Variants in TCF12 observed in about 807,000 individuals in gnomAD.
TCF12 encodes the protein DNA-binding protein HTF4.
Under a neutral mutation model 86.0 loss-of-function variants are expected in TCF12, and 45 were observed. The observed-to-expected ratio is 0.52, with a 90% confidence interval of 0.41 to 0.67. The LOEUF (loss-of-function observed/expected upper bound fraction) is 0.67, where lower values mean the gene tolerates loss of function less well. TCF12 is among the 30% of genes least tolerant of loss of function. The probability of loss-of-function intolerance (pLI) is 0.00; values close to 1 mark genes in which losing one functional copy is unlikely to be tolerated. For missense variants in TCF12, 881 were observed against 859.9 expected (o/e 1.02, Z -0.31); for synonymous variants, 330 against 299.6 (o/e 1.10, Z -1.05).
chr15:57,247,261 G>A lies in TCF12; in HGVS notation c.1114+3711G>A, dbSNP rs550471252. 35 of 644,134 alleles carry A rather than the reference G, an allele frequency of 5.4e-5. 1 individual carries two copies. The highest frequency in any genetic ancestry group is 3.4e-4 in the South Asian group (21 of 62,056). The allele number at this position is 644,134 out of a possible 1,614,324, so 39.9% of individuals were successfully genotyped here. On this transcript the variant is annotated intron_variant, in intron 13 of 20. Coordinates refer to ENST00000333725, the MANE Select transcript of TCF12 (RefSeq NM_207037.2). ...CATCACCTCCAAAACCATTATATCC[G>A]CCATCACCTCCTCCATAACTACCTC...
intron 6 of TCF12, among the ~76,000 whole-genome samples, chr15:57,189,668 C>T (rs2056878528): frequency 6.6e-6 from 1 of 152,192 alleles, no homozygotes; most frequent in Non-Finnish European, 1.5e-5. Flanking sequence ...CTGTGGAAAA[C>T]AGTTTGGCAG....
In TCF12 at chr15:57,170,737, A is replaced by AAT. The variant is rs371384017; in HGVS notation, c.390+4278_390+4279dup. 3.3e-3 allele frequency among the ~76,000 whole-genome samples: 82 copies of AAT among 24,790 alleles called. 1 individual carries two copies. Among genetic ancestry groups the AAT allele is most frequent in the African/African-American group, 4.3e-3 (40 of 9,304 alleles). The allele number at this position is 24,790 out of a possible 152,430, so 16.3% of individuals were successfully genotyped here. A position where few individuals can be genotyped will look rare whatever the true frequency, so the allele number is the denominator to read the frequency against. On this transcript the variant is annotated intron_variant, in intron 6 of 20. Transcript: ENST00000333725. ...AATATATATATTATATATTATATATAATATATATTATATATTATATATTAT... is the reference window on the plus strand; with the variant it reads ...AATATATATATTATATATTATATATAATATATATATTATATATTATATATTAT...
intron 3 of TCF12, among the ~76,000 whole-genome samples, chr15:57,002,747 G>T (rs1448335477): frequency 6.6e-6 from 1 of 152,136 alleles, no homozygotes; most frequent in Non-Finnish European, 1.5e-5. Flanking sequence ...TCTCTATAAG[G>T]TTTCACGTTT....
chr15:57,157,977 G>T (rs2054232491), intron 5 of TCF12, among the ~76,000 whole-genome samples: 1 of 150,306 alleles, frequency 6.7e-6, no homozygotes, highest in Non-Finnish European at 1.5e-5. Context: ...AAATTGAATT[G>T]TGCATTTTAA....
chr15:56,956,814 T>C (rs1244754823), intron 3 of TCF12, among the ~76,000 whole-genome samples: 1 of 152,214 alleles, frequency 6.6e-6, no homozygotes, highest in Non-Finnish European at 1.5e-5. Context: ...TTTTTTAAAT[T>C]ACAGATTTTG....
chr15:57,056,928 A>G (rs1400694839), intron 3 of TCF12, among the ~76,000 whole-genome samples: 1 of 150,982 alleles, frequency 6.6e-6, no homozygotes, highest in Non-Finnish European at 1.5e-5. Flanking sequence ...GCCTCTGGTG[A>G]TTATCTTTTC....
At position 56,984,279 on chromosome 15, in the gene TCF12, TG is replaced by T. The variant is rs1259238625; in HGVS notation, c.148+63182del. Among the ~76,000 whole-genome samples the T allele has an allele frequency of 3.0e-3, 450 of 150,490 alleles. 1 individual carries two copies. The highest frequency in any genetic ancestry group is 0.011 in the African/African-American group (433 of 40,842). On this transcript the variant is annotated intron_variant, in intron 3 of 20. Coordinates refer to ENST00000333725, the MANE Select transcript of TCF12 (RefSeq NM_207037.2). ...GTGTGTGTGTGTGTGTGTGTGTGTG[TG>T]TGTGTGTGTGTGTGAAGGGTGGAGA...
At chr15:57,162,609 T>G (rs1349682069) in intron 5 of TCF12, among the ~76,000 whole-genome samples, 1 of 152,232 alleles carries the variant, frequency 6.6e-6, no homozygotes, top group East Asian at 1.9e-4. Context: ...CTTCAGCTTA[T>G]GTTAAATTAG....
intron 12 of TCF12, among the ~76,000 whole-genome samples, chr15:57,235,812 A>G (rs773406707): frequency 2.0e-5 from 3 of 152,120 alleles, no homozygotes; most frequent in Non-Finnish European, 4.4e-5. Context: ...TGTTTGTTTT[A>G]TTAAAGAAAA....
chr15:57,222,026 G>C (rs1045675484), intron 8 of TCF12, among the ~76,000 whole-genome samples: 2 of 151,974 alleles, frequency 1.3e-5, no homozygotes, highest in African/African-American at 4.8e-5. Context: ...TATACTTCTT[G>C]TCATGAACAG....
chr15:57,265,094 ATAGTATAGTATAGT>A (rs2060796147), intron 18 of TCF12, among the ~76,000 whole-genome samples: 1 of 145,150 alleles, frequency 6.9e-6, no homozygotes, highest in Middle Eastern at 3.4e-3. Flanking sequence ...ATAGTATAGT[ATAGTATAGTATAGT>A]ATAGTATAGT....
intron 3 of TCF12, among the ~76,000 whole-genome samples, chr15:57,059,738 G>A (rs1231116589): frequency 6.6e-6 from 1 of 150,564 alleles, no homozygotes; most frequent in African/African-American, 2.4e-5. Flanking sequence ...TGTGGTGGGG[G>A]GCTGGGGGGA....
At chr15:57,083,543 A>C (rs1212761242) in intron 4 of TCF12, among the ~76,000 whole-genome samples, 2 of 152,200 alleles carry the variant, frequency 1.3e-5, no homozygotes, top group East Asian at 3.9e-4. Context: ...TTTATAATTA[A>C]TTTTCTAGTC....
intron 5 of TCF12, chr15:57,109,184 C>T: frequency 6.6e-6 from 1 of 152,170 alleles, no homozygotes; most frequent in Non-Finnish European, 1.5e-5. Flanking sequence ...GTGAAGCCCA[C>T]TGATGCATGC....
At chr15:57,181,901 T>G (rs1567581087) in intron 6 of TCF12, among the ~76,000 whole-genome samples, 1 of 152,184 alleles carries the variant, frequency 6.6e-6, no homozygotes, top group Non-Finnish European at 1.5e-5. Flanking sequence ...TTAGATATAT[T>G]TTTCACAGAG....
At chr15:57,108,744 TC>T (rs544642241) in intron 5 of TCF12, among the ~76,000 whole-genome samples, 4 of 152,110 alleles carry the variant, frequency 2.6e-5, no homozygotes, top group South Asian at 4.1e-4. Context: ...ATTCATAACT[TC>T]CCCTTGAGTT....
Position 57,231,133 on chromosome 15 carries a change from T to C in TCF12, c.580-19T>C, listed in dbSNP as rs1409868238. ...GATAGTCATTTACATTTTAATTAAA[T>C]GTGCTGTTTAATTTTAAGGTATATG... On this transcript the variant is annotated intron_variant, in intron 8 of 20. Coordinates refer to ENST00000333725, the MANE Select transcript of TCF12 (RefSeq NM_207037.2). 1.3e-6 allele frequency: 2 copies of C among 1,532,502 alleles called. No individual in the cohort carries two copies. The highest frequency in any genetic ancestry group is 3.3e-5 in the Admixed American group (2 of 59,872). The allele number at this position is 1,532,502 out of a possible 1,614,324, so 94.9% of individuals were successfully genotyped here.
At chr15:57,152,926 A>G (rs771800223) in intron 5 of TCF12, among the ~76,000 whole-genome samples, 27 of 152,000 alleles carry the variant, frequency 1.8e-4, no homozygotes, top group Non-Finnish European at 2.2e-4. Flanking sequence ...AGATGAGAAA[A>G]TCTTGAAGAC....
In TCF12 at chr15:57,253,581, T is replaced by C. The variant is rs1225273369; in HGVS notation, c.1467+113T>C. The C allele has an allele frequency of 1.8e-5, 23 of 1,248,862 alleles. No homozygotes were observed. The African/African-American group carries it at 2.9e-4, about 16-fold the overall frequency. The allele number at this position is 1,248,862 out of a possible 1,614,324, so 77.4% of individuals were successfully genotyped here. A position where few individuals can be genotyped will look rare whatever the true frequency, so the allele number is the denominator to read the frequency against. ...CTGAAAGGAAGGCAAAGACTGACTT[T>C]TCAGAATTTTCTTTACTGTCTTTGG... On this transcript the variant is annotated intron_variant, in intron 16 of 20. Transcript: ENST00000333725.
Sources: gnomAD v4.1 joint callset for allele counts (sites outside exome capture counted in the v4.1 genomes callset) on GRCh38, gnomAD v4.1.1 for gene constraint, MANE v1.5 for transcripts, NCBI Gene and HGNC (gene_info 2026-07-23, HGNC 2026-07-21) for gene names.